Variants in PTPRD observed in about 807,000 individuals in gnomAD.
PTPRD encodes the protein receptor-type tyrosine-protein phosphatase delta.
Under a neutral mutation model 214.5 loss-of-function variants are expected in PTPRD, and 34 were observed. That is an observed-to-expected ratio of 0.16 (90% confidence interval 0.12 to 0.21). The LOEUF (loss-of-function observed/expected upper bound fraction) is 0.21, where lower values mean the gene tolerates loss of function less well. Among genes scored for constraint, PTPRD ranks in the 10% least tolerant of loss-of-function variants. The probability of loss-of-function intolerance (pLI) is 1.00; values close to 1 mark genes in which losing one functional copy is unlikely to be tolerated. For missense variants in PTPRD, 2,545 were observed against 2,398.7 expected, an observed-to-expected ratio of 1.06 and a Z score of -1.27; for synonymous variants, 1,128 against 845.7, an observed-to-expected ratio of 1.33 and a Z score of -5.79.
chr9:10,258,507 G>A (rs976814767), intron 3 of PTPRD, among the ~76,000 whole-genome samples: 5 of 152,118 alleles, frequency 3.3e-5, no homozygotes, highest in Non-Finnish European at 5.9e-5. Flanking sequence ...ATTTATGTAA[G>A]CAATTGAGGT....
At chr9:9,250,690 C>T (rs1294213909) in intron 9 of PTPRD, among the ~76,000 whole-genome samples, 4 of 151,922 alleles carry the variant, frequency 2.6e-5, no homozygotes, top group African/African-American at 4.8e-5. Context: ...GGGCCTTTGG[C>T]CTTTTTGGGA....
Position 9,585,625 on chromosome 9 carries a change from T to C in PTPRD, c.-286-10844A>G, listed in dbSNP as rs976003469. ...TGTCATTCACACAAACCTAAAAGGC[T>C]AGTCATTACTGATTCTTCCCTTTCT... On this transcript the variant is annotated intron_variant, in intron 7 of 45. Transcript: ENST00000381196. 3.9e-5 allele frequency among the ~76,000 whole-genome samples: 6 copies of C among 152,198 alleles called. No homozygotes were observed. In the East Asian group the frequency reaches 9.7e-4, roughly 25 times the overall value.
intron 11 of PTPRD, 51 bp from the exon 12 acceptor site, chr9:8,733,997 T>C (rs887933353): frequency 1.4e-6 from 1 of 699,736 alleles, no homozygotes; most frequent in Non-Finnish European, 2.4e-6. Context: ...CAAAAGTGCT[T>C]AGATTTCTTA....
intron 8 of PTPRD, among the ~76,000 whole-genome samples, chr9:9,426,806 G>T (rs2081131149): frequency 6.6e-6 from 1 of 152,124 alleles, no homozygotes; most frequent in Admixed American, 6.5e-5. Context: ...GGACTGGAGT[G>T]GACCTCCAGC....
chr9:8,571,684 T>C (rs1285279477), intron 14 of PTPRD, among the ~76,000 whole-genome samples: 2 of 152,112 alleles, frequency 1.3e-5, no homozygotes, highest in Non-Finnish European at 2.9e-5. Context: ...ATTTAATAAA[T>C]AGATAGTGTA....
At chr9:9,399,375 T>C (rs544382135) in intron 8 of PTPRD, among the ~76,000 whole-genome samples, 21 of 152,110 alleles carry the variant, frequency 1.4e-4, no homozygotes, top group Middle Eastern at 3.4e-3. Context: ...GTTCTCATCA[T>C]AGGAGGAACA....
intron 27 of PTPRD, among the ~76,000 whole-genome samples, chr9:8,489,843 G>A (rs558388779): frequency 2.6e-5 from 4 of 152,274 alleles, no homozygotes; most frequent in African/African-American, 9.6e-5. Context: ...AACACTATAG[G>A]TATCAAACAT....
At chr9:9,746,193 T>C (rs533040069) in intron 6 of PTPRD, among the ~76,000 whole-genome samples, 4 of 152,104 alleles carry the variant, frequency 2.6e-5, no homozygotes, top group African/African-American at 4.8e-5. Context: ...TTAAGAGGTA[T>C]GTTGTGATCT....
intron 9 of PTPRD, among the ~76,000 whole-genome samples, chr9:9,316,811 C>G (rs1963421652): frequency 6.6e-6 from 1 of 152,122 alleles, no homozygotes; most frequent in East Asian, 1.9e-4. Context: ...ATAATTTCCC[C>G]TGGGACTACG....
rs144591369 is a variant in PTPRD, at chr9:9,249,721, T to C, written c.-202-66358A>G. Among the ~76,000 whole-genome samples, 753 of 152,188 alleles carry C rather than the reference T, an allele frequency of 4.9e-3. 4 individuals are homozygous for C. Among genetic ancestry groups the C allele is most frequent in the African/African-American group, 0.017 (724 of 41,570 alleles). On this transcript the variant is annotated intron_variant, in intron 9 of 45. Transcript: ENST00000381196. ...AGTGAGCTTCCACGGTGGACTCTTG[T>C]CACTGTCTTTGTCAAGGAAAAGTCA...
At chr9:10,407,007 G>A (rs2154502060) in intron 2 of PTPRD, among the ~76,000 whole-genome samples, 1 of 151,622 alleles carries the variant, frequency 6.6e-6, no homozygotes, top group South Asian at 2.1e-4. Context: ...AATGTCATCA[G>A]ACCATAGACA....
chr9:9,398,289 T>C (rs1374749737), intron 8 of PTPRD, among the ~76,000 whole-genome samples: 1 of 152,026 alleles, frequency 6.6e-6, no homozygotes, highest in Non-Finnish European at 1.5e-5. Flanking sequence ...ATATTTTATA[T>C]GTTTATTACA....
At chr9:10,498,069 A>G (rs1054427615) in intron 2 of PTPRD, among the ~76,000 whole-genome samples, 1 of 152,140 alleles carries the variant, frequency 6.6e-6, no homozygotes, top group South Asian at 2.1e-4. Flanking sequence ...TTTATAATCT[A>G]TTTGAACCAA....
chr9:8,669,854 T>C (rs1264687510), intron 12 of PTPRD, among the ~76,000 whole-genome samples: 2 of 151,916 alleles, frequency 1.3e-5, no homozygotes, highest in African/African-American at 4.8e-5. Context: ...AGCTAGAGAG[T>C]GAGCAGTACT....
At chr9:8,354,486 C>G (rs1228569701) in intron 39 of PTPRD, among the ~76,000 whole-genome samples, 2 of 152,182 alleles carry the variant, frequency 1.3e-5, no homozygotes, top group South Asian at 2.1e-4. Flanking sequence ...GAATTTTCTT[C>G]TAATCTGCTT....
intron 2 of PTPRD, among the ~76,000 whole-genome samples, chr9:10,487,964 C>A (rs1244622393): frequency 7.4e-6 from 1 of 135,674 alleles, no homozygotes; most frequent in Non-Finnish European, 1.6e-5. Context: ...CAAATGAACA[C>A]AGTCTCTCTC....
At chr9:10,263,337 G>A (rs1402029741) in intron 3 of PTPRD, among the ~76,000 whole-genome samples, 1 of 152,174 alleles carries the variant, frequency 6.6e-6, no homozygotes, top group South Asian at 2.1e-4. Context: ...ACTTCCTAGA[G>A]ACTTGGAGGG....
At chr9:9,912,265 G>A (rs2079406868) in intron 5 of PTPRD, among the ~76,000 whole-genome samples, 1 of 151,948 alleles carries the variant, frequency 6.6e-6, no homozygotes, top group Non-Finnish European at 1.5e-5. Flanking sequence ...CACTTCAGTT[G>A]AAAAAACAAA....
intron 9 of PTPRD, among the ~76,000 whole-genome samples, chr9:9,263,142 G>A (rs1357479236): frequency 1.3e-5 from 2 of 151,632 alleles, no homozygotes; most frequent in Non-Finnish European, 3.0e-5. Flanking sequence ...GTTACATTTT[G>A]ACAGACTAAT....
Sources: gnomAD v4.1 joint callset for allele counts (sites outside exome capture counted in the v4.1 genomes callset) on GRCh38, gnomAD v4.1.1 for gene constraint, MANE v1.5 for transcripts, NCBI Gene and HGNC (gene_info 2026-07-23, HGNC 2026-07-21) for gene names.